Variants in STK31 observed in about 807,000 individuals in gnomAD.
STK31 encodes the protein serine/threonine kinase 31, also known as serine/threonine-protein kinase 31.
STK31 carries 89 observed loss-of-function variants against 129.7 expected under a neutral mutation model. The ratio of observed to expected loss-of-function variants is 0.69; its 90% CI spans 0.58 to 0.82. STK31 has a LOEUF of 0.82. Ranked by LOEUF, STK31 falls within the 40% of genes least tolerant of loss-of-function variation. The pLI, the probability that STK31 is intolerant of heterozygous loss-of-function variation, is 0.00. For synonymous variants in STK31, 448 were observed against 395.3 expected, an observed-to-expected ratio of 1.13 and a Z score of -1.58; for missense variants, 1,187 against 1,176.4, an observed-to-expected ratio of 1.01 and a Z score of -0.13.
chr7:23,769,042 A>C lies in STK31; in HGVS notation c.1464A>C (p.Gly488=), dbSNP rs1279643546. 6.2e-7 allele frequency: 1 copy of C among 1,612,852 alleles called. No individual in the cohort carries two copies. ...CAGTGTATGGACAAGCCAAAGAAGG[A>C]GCAAATTCTGATGAAATACTTAAAA... is the stretch of plus-strand genomic sequence containing the variant. ...LEAVYGQAKE[G]ANSDEILKKF... is the part of the protein sequence containing the mutation. Residue 488 remains glycine (G), a synonymous_variant, in exon 12 of 24, where the codon GGA becomes GGC. Coordinates refer to ENST00000355870, the MANE Select transcript of STK31 (RefSeq NM_031414.5).
chr7:23,785,551 G>A lies in STK31; in HGVS notation c.2222G>A (p.Ser741Asn), dbSNP rs758848601. ...LDAEPMKELS[S>N]KRPLVRSEVN... Reference sequence around the variant, plus strand: ...GCTGAGCCCATGAAGGAACTTAGCAGCAAGCGTCCTTTGGTACGTTCTGAG... The same window carrying A: ...GCTGAGCCCATGAAGGAACTTAGCAACAAGCGTCCTTTGGTACGTTCTGAG... Residue 741 changes from serine (S) to asparagine (N), a missense_variant, in exon 18 of 24, where the codon AGC (serine) becomes AAC (asparagine). Transcript: ENST00000355870. 5.0e-6 allele frequency: 8 copies of A among 1,613,994 alleles called. No homozygotes were observed. The South Asian group carries it at 6.6e-5, about 13-fold the overall frequency.
At chr7:23,727,973 T>C (rs151009075) in intron 5 of STK31, among the ~76,000 whole-genome samples, 75 of 152,166 alleles carry the variant, frequency 4.9e-4, no homozygotes, top group Middle Eastern at 6.8e-3. Flanking sequence ...AAGTTAGGTA[T>C]ATCTTTTATT....
intron 1 of STK31, chr7:23,710,709 G>T (rs1385457267): frequency 1.1e-5 from 12 of 1,089,398 alleles, no homozygotes; most frequent in Non-Finnish European, 7.9e-6. Flanking sequence ...AGATTTGGAC[G>T]TACTATTTTG....
intron 23 of STK31, 142 bp from the exon 24 acceptor site, chr7:23,831,994 A>G: frequency 1.6e-6 from 1 of 613,282 alleles, no homozygotes; most frequent in Non-Finnish European, 2.9e-6. Context: ...TTTTTTGTTG[A>G]GGGGAGTACC....
intron 8 of STK31, among the ~76,000 whole-genome samples, chr7:23,745,041 C>A (rs1584370963): frequency 6.6e-6 from 1 of 152,266 alleles, no homozygotes; most frequent in African/African-American, 2.4e-5. Context: ...CTTGACAACC[C>A]TGTGCTTTCC....
intron 15 of STK31, among the ~76,000 whole-genome samples, chr7:23,780,989 A>G (rs571613056): frequency 2.6e-5 from 4 of 152,284 alleles, no homozygotes; most frequent in South Asian, 2.1e-4. Context: ...TGGCTTATGT[A>G]TTATCATTGG....
chr7:23,757,809 G>A (rs1310411968), intron 10 of STK31, among the ~76,000 whole-genome samples: 11 of 152,126 alleles, frequency 7.2e-5, no homozygotes, highest in Non-Finnish European at 1.6e-4. Flanking sequence ...CCACGAAGCC[G>A]TATTTCAGAC....
At position 23,777,649 on chromosome 7, in the gene STK31, A is replaced by T. The variant is rs1584429623; in HGVS notation, c.1966-3770A>T. ...AAAGTCTGTTTTATCAGATACCAGG[A>T]TTGCAATCCCTGCTTTTTTTTGCTT... On this transcript the variant is annotated intron_variant, in intron 15 of 23. Coordinates refer to ENST00000355870, the MANE Select transcript of STK31 (RefSeq NM_031414.5). Among the ~76,000 whole-genome samples the T allele has an allele frequency of 2.0e-5, 3 of 151,898 alleles. No homozygotes were observed. The South Asian group carries it at 6.2e-4, about 32-fold the overall frequency.
intron 22 of STK31, among the ~76,000 whole-genome samples, chr7:23,796,470 T>C (rs965144733): frequency 1.3e-5 from 2 of 152,182 alleles, no homozygotes; most frequent in Non-Finnish European, 2.9e-5. Context: ...AGTAAATATA[T>C]TGTCTGATTT....
At chr7:23,782,988 T>TA (rs890070765) in intron 16 of STK31, among the ~76,000 whole-genome samples, 178 of 146,350 alleles carry the variant, frequency 1.2e-3, no homozygotes, top group Non-Finnish European at 1.6e-3. Context: ...TTAGATGGGT[T>TA]AAAAAAAAAA....
At chr7:23,810,617 T>TATAG (rs1491179064) in intron 22 of STK31, among the ~76,000 whole-genome samples, 5 of 131,292 alleles carry the variant, frequency 3.8e-5, no homozygotes, top group African/African-American at 1.1e-4. Flanking sequence ...TATATATATA[T>TATAG]AATATATATA....
At chr7:23,712,722 T>C (rs1786052029) in intron 3 of STK31, among the ~76,000 whole-genome samples, 2 of 152,212 alleles carry the variant, frequency 1.3e-5, no homozygotes, top group African/African-American at 4.8e-5. Flanking sequence ...ATTATAGAAT[T>C]GGAAGCATGA....
chr7:23,791,194 A>G, intron 22 of STK31: 1 of 901,922 alleles, frequency 1.1e-6, no homozygotes, highest in Non-Finnish European at 1.3e-6. Flanking sequence ...AGTGAAGATG[A>G]TTTTGTCCTA....
chr7:23,752,802 C>A lies in STK31; in HGVS notation c.1103C>A (p.Ala368Glu). 1 of 1,611,954 alleles carries A rather than the reference C, an allele frequency of 6.2e-7. No homozygotes were observed. The change falls in exon 9 of 24, where the codon GCA becomes GAA. Residue 368 changes from alanine to glutamate, a missense_variant. Ala to Glu is a moderately radical substitution (Grantham distance 107). Transcript: ENST00000355870. The part of the protein sequence containing the change: ...TYIDTRMKNL[A>E]AKMEILKEMR... ...ATAGATACCAGAATGAAAAATCTGG[C>A]AGCTAAGATGGAAATACTGAAAGAA...
intron 16 of STK31, among the ~76,000 whole-genome samples, chr7:23,782,888 G>A (rs1791023670): frequency 6.6e-6 from 1 of 152,064 alleles, no homozygotes; most frequent in Admixed American, 6.5e-5. Flanking sequence ...AAGTGGGTGA[G>A]GACTTTGACC....
intron 22 of STK31, among the ~76,000 whole-genome samples, chr7:23,811,947 A>G (rs531199074): frequency 7.2e-5 from 11 of 152,176 alleles, no homozygotes; most frequent in African/African-American, 2.6e-4. Context: ...TGGTGGTGTA[A>G]TTTTGGTTTG....
chr7:23,741,521 A>G (rs1231591653), intron 8 of STK31, among the ~76,000 whole-genome samples: 2 of 152,194 alleles, frequency 1.3e-5, no homozygotes, highest in East Asian at 3.9e-4. Flanking sequence ...TGAAACTATC[A>G]TTAATCAGAT....
At chr7:23,796,722 A>G (rs368074323) in intron 22 of STK31, among the ~76,000 whole-genome samples, 2 of 152,038 alleles carry the variant, frequency 1.3e-5, no homozygotes, top group South Asian at 4.1e-4. Context: ...ACCTTTTATC[A>G]CTGTGTTTTG....
chr7:23,782,075 G>T (rs1270184855), intron 16 of STK31, among the ~76,000 whole-genome samples: 1 of 152,052 alleles, frequency 6.6e-6, no homozygotes, highest in Non-Finnish European at 1.5e-5. Flanking sequence ...TTGTGAGCTT[G>T]GGAAAATAAG....
Sources: gnomAD v4.1 joint callset for allele counts (sites outside exome capture counted in the v4.1 genomes callset) on GRCh38, gnomAD v4.1.1 for gene constraint, MANE v1.5 for transcripts, NCBI Gene and HGNC (gene_info 2026-07-23, HGNC 2026-07-21) for gene names.